ATP8B3: variants seen among roughly 807,000 people sequenced by gnomAD.
ATP8B3 encodes the protein phospholipid-transporting ATPase IK.
In ATP8B3, 141 loss-of-function variants were observed where a neutral mutation model predicts 140.9. The ratio of observed to expected loss-of-function variants is 1.00; its 90% CI spans 0.87 to 1.15. ATP8B3 has a LOEUF of 1.15. Ranked by LOEUF, ATP8B3 falls within the 50% of genes most tolerant of loss-of-function variation. ATP8B3 has a pLI of 0.00. For missense variants in ATP8B3, 1,874 were observed against 1,740.6 expected, an observed-to-expected ratio of 1.08 and a Z score of -1.36; for synonymous variants, 765 against 714.6, an observed-to-expected ratio of 1.07 and a Z score of -1.13.
At chr19:1,791,490 C>T (rs1462984463) in intron 20 of ATP8B3, among the ~76,000 whole-genome samples, 5 of 151,834 alleles carry the variant, frequency 3.3e-5, no homozygotes, top group Admixed American at 6.6e-5. Flanking sequence ...CAGGTTCAAG[C>T]GATTCTCCTG....
In ATP8B3 at chr19:1,782,689, T is replaced by A. The variant is rs2068193063; in HGVS notation, c.*339A>T. ...CCAGAGGCTGTGGCTGGCTCTCAAA[T>A]GACGACAGCTGGCTTTCTCTGTGCA... is the stretch of plus-strand genomic sequence containing the variant. On this transcript the variant is annotated 3_prime_UTR_variant, in exon 29 of 29. Transcript: ENST00000310127. The A allele has an allele frequency of 1.7e-5, 5 of 301,074 alleles. No individual in the cohort carries two copies. Among genetic ancestry groups the A allele is most frequent in the Admixed American group, 4.7e-5 (1 of 21,132 alleles). The allele number at this position is 301,074 out of a possible 1,614,324, so 18.7% of individuals were successfully genotyped here. A position where few individuals can be genotyped will look rare whatever the true frequency, so the allele number is the denominator to read the frequency against.
intron 18 of ATP8B3, 79 bp downstream of exon 18, chr19:1,795,784 TACACACACACAC>T (rs10526864): frequency 0.027 from 23,742 of 891,148 alleles, 227 homozygotes; most frequent in East Asian, 0.084. Context: ...CTCCTGTCCC[TACACACACACAC>T]ACACACACAC....
At chr19:1,785,048 C>T (rs1282739461) in intron 27 of ATP8B3, 102 bp from the exon 28 acceptor site, 15 of 1,493,786 alleles carry the variant, frequency 1.0e-5, no homozygotes, top group African/African-American at 8.4e-5. Context: ...CATAAAGGAG[C>T]GCCTTCCCCA....
intron 21 of ATP8B3, among the ~76,000 whole-genome samples, 160 bp from the exon 22 acceptor site, chr19:1,790,149 C>T (rs1432400176): frequency 8.4e-6 from 1 of 119,458 alleles, no homozygotes; most frequent in Non-Finnish European, 1.8e-5. Flanking sequence ...CTCCTCCTCC[C>T]GCCGCTGCCC....
Position 1,792,016 on chromosome 19 carries a change from T to C in ATP8B3, c.2175A>G (p.Ala725=), listed in dbSNP as rs779979793. The stretch of plus-strand genomic sequence containing the variant: ...CGTTGTACACCTGTTGCAGGGCCTG[T>C]GCCCGGTTCTGCAGCAGGAGGCTGG... ...QEASLLLQNR[A]QALQQLLGAT... is the part of the protein sequence containing the mutation. The change falls in exon 19 of 29, where the codon GCA becomes GCG. Residue 725 remains alanine (A), a synonymous_variant. Coordinates refer to ENST00000310127, the MANE Select transcript of ATP8B3 (RefSeq NM_138813.4). 9.7e-6 allele frequency: 15 copies of C among 1,553,884 alleles called. No homozygotes were observed. The highest frequency in any genetic ancestry group is 1.3e-5 in the Non-Finnish European group (15 of 1,149,428).
chr19:1,811,060 T>A (rs1429007231), intron 2 of ATP8B3, among the ~76,000 whole-genome samples: 1 of 152,188 alleles, frequency 6.6e-6, no homozygotes, highest in Non-Finnish European at 1.5e-5. Flanking sequence ...AGGACCACTC[T>A]CACCTCCTCC....
In ATP8B3 at chr19:1,795,111, C is replaced by A. The variant is rs188138411; in HGVS notation, c.2055+764G>T. Among the ~76,000 whole-genome samples, 623 of 152,106 alleles carry A rather than the reference C, an allele frequency of 4.1e-3. 4 individuals are homozygous for A. The highest frequency in any genetic ancestry group is 6.7e-3 in the Non-Finnish European group (456 of 68,002). On this transcript the variant is annotated intron_variant, in intron 18 of 28. Coordinates refer to ENST00000310127, the MANE Select transcript of ATP8B3 (RefSeq NM_138813.4). ...TCTCTACTAAAAATACAAAATTGGC[C>A]GGGCGTGGTGGCGGGCGCCTGTAGT...
At chr19:1,797,049 C>T (rs368669564) in intron 14 of ATP8B3, 44 bp from the exon 15 acceptor site, 46 of 1,612,280 alleles carry the variant, frequency 2.9e-5, no homozygotes, top group African/African-American at 2.8e-4. Context: ...CACAGGCCCC[C>T]CATTCGGGAT....
Position 1,791,802 on chromosome 19 carries a change from T to C in ATP8B3, c.2250A>G (p.Lys750=), listed in dbSNP as rs1224815837. ...TTTTGATGTTGCTCTTCTTGAGACA[T>C]TTGATGGTTTCAGGGACACCGTCCT... ...RLQDGVPETI[K]CLKKSNIKIW... Residue 750 remains lysine (K), a synonymous_variant, in exon 20 of 29, where the codon AAA becomes AAG. Transcript: ENST00000310127. 1 of 1,611,750 alleles carries C rather than the reference T, an allele frequency of 6.2e-7. No individual in the cohort carries two copies. Among genetic ancestry groups the C allele is most frequent in the Non-Finnish European group, 8.5e-7 (1 of 1,179,792 alleles).
rs77114584 is a variant in ATP8B3, at chr19:1,805,837, G to A, written c.821+51C>T. On this transcript the variant is annotated intron_variant, in intron 9 of 28. Transcript: ENST00000310127. The surrounding 1 kb of genome is among the most constrained non-coding windows in gnomAD (Gnocchi z 5.2). Reference sequence around the variant, plus strand: ...GGTGACTGGGGAAGGGGGCTCCTCCGGGCCATGCTCCCCACCCCCCAGGGT... The same window carrying A: ...GGTGACTGGGGAAGGGGGCTCCTCCAGGCCATGCTCCCCACCCCCCAGGGT... The A allele has an allele frequency of 3.2e-4, 519 of 1,606,276 alleles. No individual in the cohort carries two copies. The highest frequency in any genetic ancestry group is 4.2e-4 in the Non-Finnish European group (493 of 1,174,720).
At chr19:1,790,939 A>C in intron 20 of ATP8B3, 107 bp from the exon 21 acceptor site, 2 of 863,432 alleles carry the variant, frequency 2.3e-6, no homozygotes, top group East Asian at 2.9e-5. Context: ...TGGCAGCCAC[A>C]TGCCCCACCC....
chr19:1,790,756 C>A lies in ATP8B3; in HGVS notation c.2378+1G>T. ...TCACCCCCCAACTCCCCACTTCTTA[C>A]CTAATCTCCTTCTCCTCCAGAATGA... On this transcript the variant is annotated splice_donor_variant, in intron 21 of 28. Transcript: ENST00000310127. LOFTEE classifies it high-confidence loss of function. The A allele has an allele frequency of 6.3e-7, 1 of 1,575,670 alleles. No homozygotes were observed.
intron 10 of ATP8B3, among the ~76,000 whole-genome samples, 157 bp from the exon 11 acceptor site, chr19:1,802,802 G>A (rs2068896779): frequency 6.6e-6 from 1 of 152,090 alleles, no homozygotes; most frequent in Non-Finnish European, 1.5e-5. Context: ...TGCCTCCAAA[G>A]CCTTCCTGTC....
At chr19:1,787,580 G>C (rs918051208) in intron 24 of ATP8B3, among the ~76,000 whole-genome samples, 3 of 151,676 alleles carry the variant, frequency 2.0e-5, no homozygotes, top group African/African-American at 7.3e-5. Context: ...AATATAAAAA[G>C]TAGCTGGGCG....
At chr19:1,797,538 C>CAAAAAAAAAAAATTTTCCT (rs2068721434) in intron 14 of ATP8B3, among the ~76,000 whole-genome samples, 1 of 151,514 alleles carries the variant, frequency 6.6e-6, no homozygotes, top group Admixed American at 6.6e-5. Flanking sequence ...CCTGCTCTGT[C>CAAAAAAAAAAAATTTTCCT]GCCCAGACTG....
In ATP8B3 at chr19:1,784,689, TC is replaced by T. The variant is rs2068246655; in HGVS notation, c.3660+129del. On this transcript the variant is annotated intron_variant, in intron 28 of 28. Transcript: ENST00000310127. ...GTGTCCGGGGCTCCGCACCCACCCT[TC>T]CCCCAAGCCTAGTGTCTTGGAGGGC... The T allele has an allele frequency of 7.2e-5, 92 of 1,277,368 alleles. 1 individual carries two copies. The South Asian group carries it at 1.4e-3, about 20-fold the overall frequency. 79.1% of individuals were successfully genotyped at this position (1,277,368 alleles called of 1,614,324 possible).
chr19:1,801,238 A>G (rs577840908), intron 12 of ATP8B3, among the ~76,000 whole-genome samples: 6 of 141,514 alleles, frequency 4.2e-5, no homozygotes, highest in Non-Finnish European at 9.2e-5. Context: ...TGCAACCTCC[A>G]CCTCTGGGGT....
At chr19:1,801,343 G>C (rs1451701412) in intron 12 of ATP8B3, among the ~76,000 whole-genome samples, 2 of 152,070 alleles carry the variant, frequency 1.3e-5, no homozygotes, top group Non-Finnish European at 2.9e-5. Flanking sequence ...TAGAGACGGG[G>C]TTTCACCATG....
At chr19:1,791,621 G>T (rs1048558234) in intron 20 of ATP8B3, 129 bp downstream of exon 20, 11 of 683,354 alleles carry the variant, frequency 1.6e-5, no homozygotes, top group Non-Finnish European at 2.5e-5. Flanking sequence ...TCGAACTTCT[G>T]ACCTCAAGTG....
Sources: allele counts gnomAD v4.1 joint callset (sites outside exome capture counted in the v4.1 genomes callset), GRCh38; gene constraint gnomAD v4.1.1; non-coding constraint Gnocchi (gnomAD v3.1); transcripts MANE v1.5; gene names NCBI Gene and HGNC (gene_info 2026-07-23, HGNC 2026-07-21).